Variants in SLC5A3 observed in about 807,000 individuals in gnomAD.
SLC5A3 encodes the protein solute carrier family 5 member 3.
A neutral mutation model predicts 43.2 loss-of-function variants in SLC5A3; 10 were observed. That is an observed-to-expected ratio of 0.23 (90% confidence interval 0.14 to 0.39). The LOEUF (loss-of-function observed/expected upper bound fraction) is 0.39. SLC5A3 is among the 10% of genes least tolerant of loss of function. The probability of loss-of-function intolerance (pLI) is 1.00; values close to 1 mark genes in which losing one functional copy is unlikely to be tolerated. For missense variants in SLC5A3, 608 were observed against 893.4 expected (o/e 0.68, Z 4.07); for synonymous variants, 349 against 322.0 (o/e 1.08, Z -0.90).
chr21:34,091,220 T>G (rs551699360), intron 1 of SLC5A3, among the ~76,000 whole-genome samples: 2 of 151,150 alleles, frequency 1.3e-5, no homozygotes, highest in East Asian at 2.0e-4. Context: ...AAGAGGTGGT[T>G]GTTTGGTCAC....
chr21:34,105,487 T>A lies in SLC5A3; in HGVS notation c.*8132T>A, dbSNP rs1008986296. The A allele has an allele frequency of 1.0e-6, 1 of 999,962 alleles. No individual in the cohort carries two copies. The highest frequency in any genetic ancestry group is 1.2e-6 in the Non-Finnish European group (1 of 829,768). The allele number at this position is 999,962 out of a possible 1,614,324, so 61.9% of individuals were successfully genotyped here. ...CTGCTTTTATCTAGTAATTTTGATA[T>A]GTAAGTATTAATGCATTTTTAAAAG... On this transcript the variant is annotated 3_prime_UTR_variant, in exon 2 of 2. Transcript: ENST00000381151.
At chr21:34,077,879 G>A in intron 1 of SLC5A3, among the ~76,000 whole-genome samples, 1 of 152,080 alleles carries the variant, frequency 6.6e-6, no homozygotes, top group East Asian at 1.9e-4. Context: ...AGCCTTTTTT[G>A]ATTAGAACAC....
At chr21:34,077,044 C>A (rs1193802997) in intron 1 of SLC5A3, among the ~76,000 whole-genome samples, 2 of 152,276 alleles carry the variant, frequency 1.3e-5, no homozygotes, top group South Asian at 4.1e-4. Context: ...AGGTCTATAT[C>A]CACCTCCACC....
At chr21:34,086,368 G>C (rs1479984191) in intron 1 of SLC5A3, among the ~76,000 whole-genome samples, 5 of 152,176 alleles carry the variant, frequency 3.3e-5, no homozygotes, top group Non-Finnish European at 5.9e-5. Context: ...TCCCCCAGCA[G>C]CCTTTCTCCT....
chr21:34,074,184 C>G (rs938142429), intron 1 of SLC5A3, among the ~76,000 whole-genome samples: 1 of 150,108 alleles, frequency 6.7e-6, no homozygotes, highest in African/African-American at 2.4e-5. Context: ...CTGGTCCGTC[C>G]CGCTCCGCCG....
rs1979430947 is a variant in SLC5A3, at chr21:34,105,357, TTAG to T, written c.*8007_*8009del. 3.0e-6 allele frequency: 3 copies of T among 999,594 alleles called. No homozygotes were observed. The highest frequency in any genetic ancestry group is 4.7e-5 in the South Asian group (1 of 21,284). 61.9% of individuals were successfully genotyped at this position (999,594 alleles called of 1,614,324 possible). On this transcript the variant is annotated 3_prime_UTR_variant, in exon 2 of 2. Transcript: ENST00000381151. ...ATCAAAAATAGTTGCTGTGCAAAAGTTAGTAGTCTTCTTCAAGAAGAAAACCAA... is the reference window on the plus strand; with the variant it reads ...ATCAAAAATAGTTGCTGTGCAAAAGTTAGTCTTCTTCAAGAAGAAAACCAA...
chr21:34,083,663 A>G (rs1363255998), intron 1 of SLC5A3, among the ~76,000 whole-genome samples: 1 of 152,232 alleles, frequency 6.6e-6, no homozygotes, highest in Non-Finnish European at 1.5e-5. Context: ...TATGAAGTAT[A>G]GTATCTTGAA....
At chr21:34,081,955 C>T (rs753938351) in intron 1 of SLC5A3, among the ~76,000 whole-genome samples, 1 of 151,858 alleles carries the variant, frequency 6.6e-6, no homozygotes, top group Non-Finnish European at 1.5e-5. Flanking sequence ...TACTCTGCTC[C>T]CATCTATTAT....
chr21:34,100,798 CT>C lies in SLC5A3; in HGVS notation c.*3444del. On this transcript the variant is annotated 3_prime_UTR_variant, in exon 2 of 2. Coordinates refer to ENST00000381151, the MANE Select transcript of SLC5A3 (RefSeq NM_006933.7). Reference sequence around the variant, plus strand: ...TTATAGTAGGCATATGGATCTTCCCCTCTGACTTTGAATATCATTTGGTGTG... The same window carrying C: ...TTATAGTAGGCATATGGATCTTCCCCCTGACTTTGAATATCATTTGGTGTG... 2.0e-6 allele frequency: 2 copies of C among 1,000,240 alleles called. No homozygotes were observed. Among genetic ancestry groups the C allele is most frequent in the Non-Finnish European group, 2.4e-6 (2 of 829,970 alleles). 62.0% of individuals were successfully genotyped at this position (1,000,240 alleles called of 1,614,324 possible). A position where few individuals can be genotyped will look rare whatever the true frequency, so the allele number is the denominator to read the frequency against.
rs1979015865 is a variant in SLC5A3 at position 34,097,407 on chromosome 21, G to GA, written c.*52_*53insA. 2.9e-6 allele frequency: 4 copies of GA among 1,367,840 alleles called. No individual in the cohort carries two copies. Among genetic ancestry groups the GA allele is most frequent in the African/African-American group, 6.6e-5 (2 of 30,242 alleles). The allele number at this position is 1,367,840 out of a possible 1,614,324, so 84.7% of individuals were successfully genotyped here. The stretch of plus-strand genomic sequence containing the variant: ...TTAAGACAATACTGACTGGTCTTTG[G>GA]GGAAAAAAGTTATGTAACTGTGCAT... On this transcript the variant is annotated 3_prime_UTR_variant, in exon 2 of 2. Coordinates refer to ENST00000381151, the MANE Select transcript of SLC5A3 (RefSeq NM_006933.7).
In SLC5A3 at chr21:34,104,390, CTTGT is replaced by C. The variant is rs1301905693; in HGVS notation, c.*7038_*7041del. On this transcript the variant is annotated 3_prime_UTR_variant, in exon 2 of 2. Transcript: ENST00000381151. ...ACCTCCTCACTTCACCTCCGAGTAG[CTTGT>C]TTATCAAGAATGAATGAATGTCTTT... is the stretch of plus-strand genomic sequence containing the variant. 2.0e-6 allele frequency: 2 copies of C among 1,000,020 alleles called. No homozygotes were observed. Among genetic ancestry groups the C allele is most frequent in the African/African-American group, 3.5e-5 (2 of 57,206 alleles). The allele number at this position is 1,000,020 out of a possible 1,614,324, so 61.9% of individuals were successfully genotyped here. A position where few individuals can be genotyped will look rare whatever the true frequency, so the allele number is the denominator to read the frequency against.
In SLC5A3 at chr21:34,097,003, A is replaced by G. The variant is rs762009129; in HGVS notation, c.1805A>G (p.Asp602Gly). 2 of 1,614,116 alleles carry G rather than the reference A, an allele frequency of 1.2e-6. No homozygotes were observed. Among genetic ancestry groups the G allele is most frequent in the South Asian group, 1.1e-5 (1 of 91,078 alleles). ...EDSIKGLQPE[D>G]VNLLVTCREE... ...AGCATTAAGGGCCTTCAGCCTGAAG[A>G]TGTTAATCTGTTGGTAACCTGCAGA... The change falls in exon 2 of 2, where the codon GAT becomes GGT. Residue 602 changes from aspartate (D) to glycine (G), a missense_variant. Around this residue, in one of 2 missense-constraint regions of SLC5A3, gnomAD observed 210 missense variants for 224.8 expected, o/e 0.93. Transcript: ENST00000381151.
At chr21:34,085,037 T>TA (rs1244662110) in intron 1 of SLC5A3, among the ~76,000 whole-genome samples, 1 of 152,260 alleles carries the variant, frequency 6.6e-6, no homozygotes, top group East Asian at 1.9e-4. Context: ...CGGACATTGA[T>TA]ACGATACTAC....
At chr21:34,077,075 A>T (rs1989350029) in intron 1 of SLC5A3, among the ~76,000 whole-genome samples, 1 of 152,168 alleles carries the variant, frequency 6.6e-6, no homozygotes, top group Admixed American at 6.5e-5. Context: ...TGCAATGAGA[A>T]CTTTGAGGTA....
chr21:34,105,128 A>G lies in SLC5A3; in HGVS notation c.*7773A>G, dbSNP rs571980174. 86 of 1,000,126 alleles carry G rather than the reference A, an allele frequency of 8.6e-5. No individual in the cohort carries two copies. In the Admixed American group the frequency reaches 1.4e-3, roughly 16 times the overall value. The allele number at this position is 1,000,126 out of a possible 1,614,324, so 62.0% of individuals were successfully genotyped here. A position where few individuals can be genotyped will look rare whatever the true frequency, so the allele number is the denominator to read the frequency against. The stretch of plus-strand genomic sequence containing the variant: ...TGCCATACTCCATTAGTGTCAGATG[A>G]TGGTATGGAATTTGTTCCCTTGCTT... On this transcript the variant is annotated 3_prime_UTR_variant, in exon 2 of 2. Coordinates refer to ENST00000381151, the MANE Select transcript of SLC5A3 (RefSeq NM_006933.7).
At position 34,095,130 on chromosome 21, in the gene SLC5A3, G is replaced by T. The variant is rs1257096618; in HGVS notation, c.-69G>T. On this transcript the variant is annotated 5_prime_UTR_variant, in exon 2 of 2. Coordinates refer to ENST00000381151, the MANE Select transcript of SLC5A3 (RefSeq NM_006933.7). ...ACGTATGGTTTACAGACTTGGCTGG[G>T]GTTACTAAAAATAAATAAAAAGTTG... 4 of 1,537,296 alleles carry T rather than the reference G, an allele frequency of 2.6e-6. No individual in the cohort carries two copies. Among genetic ancestry groups the T allele is most frequent in the Non-Finnish European group, 3.5e-6 (4 of 1,144,562 alleles).
Position 34,097,256 on chromosome 21 carries a change from G to C in SLC5A3, c.2058G>C (p.Gln686His). 1 of 1,614,060 alleles carries C rather than the reference G, an allele frequency of 6.2e-7. No individual in the cohort carries two copies. Among genetic ancestry groups the C allele is most frequent in the Non-Finnish European group, 8.5e-7 (1 of 1,179,910 alleles). The change falls in exon 2 of 2, where the codon CAG becomes CAC. Residue 686 changes from glutamine to histidine, a missense_variant. Coordinates refer to ENST00000381151, the MANE Select transcript of SLC5A3 (RefSeq NM_006933.7). ...DLMEEEAVCL[Q>H]MLEETRQVKV... Reference sequence around the variant, plus strand: ...TGGAAGAGGAGGCTGTTTGTTTACAGATGCTAGAAGAGACTCGGCAAGTTA... The same window carrying C: ...TGGAAGAGGAGGCTGTTTGTTTACACATGCTAGAAGAGACTCGGCAAGTTA...
In SLC5A3 at chr21:34,073,703, G is replaced by T; in HGVS notation, c.-379G>T. ...CCGCACTCGCCGATCCTCCAGGCAT[G>T]CCCCGCTACGAGCTGGCTTTAATCC... On this transcript the variant is annotated 5_prime_UTR_variant, in exon 1 of 2. It removes an upstream start codon present in the reference 5' UTR. Transcript: ENST00000381151. The T allele has an allele frequency of 6.6e-7, 1 of 1,526,000 alleles. No individual in the cohort carries two copies. The highest frequency in any genetic ancestry group is 8.9e-7 in the Non-Finnish European group (1 of 1,129,704). The allele number at this position is 1,526,000 out of a possible 1,614,324, so 94.5% of individuals were successfully genotyped here.
intron 1 of SLC5A3, among the ~76,000 whole-genome samples, chr21:34,081,523 G>T (rs918703604): frequency 6.6e-6 from 1 of 152,156 alleles, no homozygotes; most frequent in Non-Finnish European, 1.5e-5. Flanking sequence ...GAAGATACTG[G>T]ATGTGTTACC....
Sources: gnomAD v4.1 joint callset for allele counts (sites outside exome capture counted in the v4.1 genomes callset) on GRCh38, gnomAD v4.1.1 for gene constraint, gnomAD v4.1.1 regional missense constraint, MANE v1.5 for transcripts, NCBI Gene and HGNC (gene_info 2026-07-23, HGNC 2026-07-21) for gene names.